The following STXBP4 variants were observed in gnomAD, a reference collection of about 807,000 sequenced individuals.
STXBP4 encodes the protein syntaxin binding protein 4, also known as syntaxin-binding protein 4.
STXBP4 carries 55 observed loss-of-function variants against 76.1 expected under a neutral mutation model. The observed-to-expected ratio is 0.72, with a 90% CI of 0.58 to 0.91. The LOEUF (loss-of-function observed/expected upper bound fraction) is 0.91. STXBP4 is among the 40% of genes least tolerant of loss of function. The pLI is 0.00. For missense variants in STXBP4, 618 were observed against 636.9 expected, an observed-to-expected ratio of 0.97 and a Z score of 0.32; for synonymous variants, 201 against 220.2, an observed-to-expected ratio of 0.91 and a Z score of 0.77.
At chr17:55,154,085 G>A (rs1408091942) in intron 17 of STXBP4, among the ~76,000 whole-genome samples, 1 of 152,090 alleles carries the variant, frequency 6.6e-6, no homozygotes, top group Non-Finnish European at 1.5e-5. Flanking sequence ...GGGATTCCTG[G>A]TTGATGGGTG....
At chr17:55,096,917 C>T (rs2079494197) in intron 16 of STXBP4, among the ~76,000 whole-genome samples, 1 of 152,030 alleles carries the variant, frequency 6.6e-6, no homozygotes, top group Non-Finnish European at 1.5e-5. Context: ...GTATGTTTTT[C>T]TTCTCACTGA....
the STXBP4 span, among the ~76,000 whole-genome samples, chr17:55,194,945 C>G: frequency 3.3e-5 from 5 of 152,120 alleles, no homozygotes; most frequent in African/African-American, 1.2e-4. Context: ...AAAATGAAAC[C>G]TAGACATCAA....
rs1352055678 is a variant in STXBP4, at chr17:55,007,499, C to G, written c.575-7C>G. On this transcript the variant is annotated splice_region_variant and splice_polypyrimidine_tract_variant and intron_variant, in intron 7 of 17. Transcript: ENST00000376352. The stretch of plus-strand genomic sequence containing the variant: ...TCCCAATTAATGTGCACCCTGTTGT[C>G]TCTTAGATGTTGCTTCTGCCTGGAC... 6.2e-7 allele frequency: 1 copy of G among 1,606,160 alleles called. No homozygotes were observed.
intron 10 of STXBP4, among the ~76,000 whole-genome samples, chr17:55,041,127 A>G (rs192769572): frequency 2.9e-3 from 436 of 151,834 alleles, no homozygotes; most frequent in Non-Finnish European, 4.9e-3. Flanking sequence ...CTTTACCTAC[A>G]TGGTGTTAAG....
At chr17:55,191,578 T>C in the STXBP4 span, among the ~76,000 whole-genome samples, 1 of 152,170 alleles carries the variant, frequency 6.6e-6, no homozygotes, top group Non-Finnish European at 1.5e-5. Flanking sequence ...ATAGTTCATC[T>C]GTCTCTGTTC....
At chr17:55,211,796 G>GTTGTT in the STXBP4 span, among the ~76,000 whole-genome samples, 2 of 34,998 alleles carry the variant, frequency 5.7e-5, no homozygotes, top group African/African-American at 1.1e-4. Context: ...CCTGTTTTTT[G>GTTGTT]TTGTTTTTTT....
chr17:55,073,128 A>T, intron 13 of STXBP4, 52 bp downstream of exon 13: 1 of 1,552,942 alleles, frequency 6.4e-7, no homozygotes, highest in Non-Finnish European at 8.8e-7. Context: ...TGCCGTTGTC[A>T]TGTATCCTGT....
chr17:55,141,727 T>C (rs897537068), intron 17 of STXBP4, among the ~76,000 whole-genome samples: 1 of 152,218 alleles, frequency 6.6e-6, no homozygotes, highest in Non-Finnish European at 1.5e-5. Flanking sequence ...TTAACAATAA[T>C]GCTAATATCA....
At position 55,169,055 on chromosome 17, in the gene STXBP4, A is replaced by G. The variant is rs2080392749; in HGVS notation, c.*9144A>G. 1.3e-5 allele frequency: 2 copies of G among 152,250 alleles called. No individual in the cohort carries two copies. The highest frequency in any genetic ancestry group is 1.3e-4 in the Admixed American group (2 of 15,284). The allele number at this position is 152,250 out of a possible 1,614,324, so 9.4% of individuals were successfully genotyped here. A position where few individuals can be genotyped will look rare whatever the true frequency, so the allele number is the denominator to read the frequency against. On this transcript the variant is annotated 3_prime_UTR_variant, in exon 18 of 18. Coordinates refer to ENST00000376352, the MANE Select transcript of STXBP4 (RefSeq NM_178509.6). ...CACTATGACCACCTGGCTGACAGTA[A>G]CTGCAGGACATCAATTATTGTAAGA...
chr17:55,202,346 G>T, the STXBP4 span, among the ~76,000 whole-genome samples: 1 of 151,946 alleles, frequency 6.6e-6, no homozygotes, highest in Non-Finnish European at 1.5e-5. Context: ...ATATAAACAG[G>T]TATTGAGTAG....
At chr17:55,061,353 A>T (rs1046248359) in intron 12 of STXBP4, among the ~76,000 whole-genome samples, 6 of 152,216 alleles carry the variant, frequency 3.9e-5, no homozygotes, top group Non-Finnish European at 7.4e-5. Flanking sequence ...TCTAATTTTC[A>T]GAATTGATGT....
chr17:55,157,995 A>G (rs1291379400), intron 17 of STXBP4, among the ~76,000 whole-genome samples: 1 of 152,228 alleles, frequency 6.6e-6, no homozygotes, highest in Non-Finnish European at 1.5e-5. Flanking sequence ...GAAATCTTAT[A>G]GTAAAGAAAC....
intron 17 of STXBP4, among the ~76,000 whole-genome samples, chr17:55,156,880 T>TG (rs149979426): frequency 0.017 from 2,622 of 152,338 alleles, 76 homozygotes; most frequent in African/African-American, 0.061. Context: ...TGAAGGTTAC[T>TG]GGCAAAGATG....
At position 55,147,993 on chromosome 17, in the gene STXBP4, A is replaced by G. The variant is rs552075665; in HGVS notation, c.1547+6626A>G. Among the ~76,000 whole-genome samples the G allele has an allele frequency of 1.8e-4, 27 of 152,336 alleles. No homozygotes were observed. In the South Asian group the frequency reaches 2.5e-3, roughly 14 times the overall value. On this transcript the variant is annotated intron_variant, in intron 17 of 17. Transcript: ENST00000376352. ...TGACAGGAACTCTGCCATGATGAAC[A>G]GTAATGATGCAACTATTAGGTTGGA...
the STXBP4 span, among the ~76,000 whole-genome samples, chr17:55,185,847 G>A: frequency 2.6e-5 from 4 of 152,158 alleles, no homozygotes; most frequent in South Asian, 2.1e-4. Context: ...GGAGAAAGAC[G>A]AAAAGGGTGA....
intron 8 of STXBP4, among the ~76,000 whole-genome samples, chr17:55,020,051 A>G (rs954081996): frequency 3.3e-5 from 5 of 152,300 alleles, no homozygotes; most frequent in African/African-American, 9.6e-5. Flanking sequence ...GAAGATTTAT[A>G]TCTTTTTTAG....
chr17:55,109,410 T>C (rs370525021), intron 16 of STXBP4, among the ~76,000 whole-genome samples: 20 of 152,224 alleles, frequency 1.3e-4, no homozygotes, highest in African/African-American at 4.6e-4. Flanking sequence ...TACAAGGCAC[T>C]ATGATTGGTA....
intron 17 of STXBP4, among the ~76,000 whole-genome samples, chr17:55,158,823 C>T (rs186361544): frequency 6.6e-6 from 1 of 152,314 alleles, no homozygotes; most frequent in East Asian, 1.9e-4. Context: ...TAAAAATAAA[C>T]AAGCATTTAT....
At position 55,166,647 on chromosome 17, in the gene STXBP4, C is replaced by T. The variant is rs1208715424; in HGVS notation, c.*6736C>T. 1.3e-5 allele frequency: 2 copies of T among 152,220 alleles called. No individual in the cohort carries two copies. The highest frequency in any genetic ancestry group is 2.9e-5 in the Non-Finnish European group (2 of 68,072). The allele number at this position is 152,220 out of a possible 1,614,324, so 9.4% of individuals were successfully genotyped here. ...GAGCTCCTTGACACATGCTGCCTTC[C>T]CCATGCCCAGAGCTGGCACTCTATG... On this transcript the variant is annotated 3_prime_UTR_variant, in exon 18 of 18. Transcript: ENST00000376352.
Sources: gnomAD v4.1 joint callset for allele counts (sites outside exome capture counted in the v4.1 genomes callset) on GRCh38, gnomAD v4.1.1 for gene constraint, MANE v1.5 for transcripts, NCBI Gene and HGNC (gene_info 2026-07-23, HGNC 2026-07-21) for gene names.